Variants in KCNQ5 observed in about 807,000 individuals in gnomAD.
KCNQ5 encodes the protein potassium voltage-gated channel subfamily KQT member 5.
KCNQ5 carries 30 observed loss-of-function variants against 98.2 expected under a neutral mutation model. That is an observed-to-expected ratio of 0.31 (90% confidence interval 0.23 to 0.41). The LOEUF is 0.41. KCNQ5 is among the 10% of genes least tolerant of loss of function. The pLI, the probability that KCNQ5 is intolerant of heterozygous loss-of-function variation, is 1.00. For synonymous variants in KCNQ5, 458 were observed against 449.4 expected, an observed-to-expected ratio of 1.02 and a Z score of -0.24; for missense variants, 835 against 1,182.5, an observed-to-expected ratio of 0.71 and a Z score of 4.31.
intron 1 of KCNQ5, among the ~76,000 whole-genome samples, chr6:72,774,628 C>A (rs564953723): frequency 6.6e-6 from 1 of 152,024 alleles, no homozygotes; most frequent in East Asian, 1.9e-4. Context: ...CACACACACA[C>A]ACCCTACAGA....
intron 3 of KCNQ5, among the ~76,000 whole-genome samples, chr6:73,049,520 G>A (rs1240085836): frequency 3.9e-5 from 6 of 152,092 alleles, no homozygotes; most frequent in African/African-American, 1.4e-4. Flanking sequence ...CCTCCCAATA[G>A]CTCATTGCTC....
At position 72,669,856 on chromosome 6, in the gene KCNQ5, C is replaced by T. The variant is rs182666271; in HGVS notation, c.398+47269C>T. ...TGCTCTCTATCAAGCAGTTGTTCAG[C>T]CATACCCTTAATGCTTAGTTGCTTA... On this transcript the variant is annotated intron_variant, in intron 1 of 13. Coordinates refer to ENST00000370398, the MANE Select transcript of KCNQ5 (RefSeq NM_019842.4). Among the ~76,000 whole-genome samples the T allele has an allele frequency of 1.2e-3, 181 of 151,902 alleles. 1 individual carries two copies. Among genetic ancestry groups the T allele is most frequent in the African/African-American group, 4.3e-3 (176 of 41,398 alleles).
chr6:72,735,597 T>C (rs985295003), intron 1 of KCNQ5, among the ~76,000 whole-genome samples: 1 of 152,100 alleles, frequency 6.6e-6, no homozygotes, highest in Non-Finnish European at 1.5e-5. Flanking sequence ...TTAGAACTAT[T>C]TTTCATTTTT....
intron 1 of KCNQ5, among the ~76,000 whole-genome samples, chr6:72,636,074 T>A (rs1449099262): frequency 6.6e-6 from 1 of 152,140 alleles, no homozygotes; most frequent in African/African-American, 2.4e-5. Context: ...ATTTTAAAAG[T>A]TTTTACCTTC....
Position 72,649,131 on chromosome 6 carries a change from C to T in KCNQ5, c.398+26544C>T, listed in dbSNP as rs372030448. 2.6e-4 allele frequency among the ~76,000 whole-genome samples: 40 copies of T among 152,232 alleles called. No homozygotes were observed. The South Asian group carries it at 5.6e-3, about 21-fold the overall frequency. ...TCCTGCTCGCAGATGTGCAACTGTG[C>T]ATCTATGGACAGCAGTAGAGGGCTT... On this transcript the variant is annotated intron_variant, in intron 1 of 13. Transcript: ENST00000370398.
intron 1 of KCNQ5, among the ~76,000 whole-genome samples, chr6:72,961,519 G>A (rs1767349792): frequency 2.0e-5 from 3 of 151,872 alleles, no homozygotes; most frequent in Admixed American, 2.0e-4. Context: ...CTACTCTGGA[G>A]GCTGAGGCAG....
chr6:72,748,230 A>G (rs1432338380), intron 1 of KCNQ5, among the ~76,000 whole-genome samples: 1 of 152,062 alleles, frequency 6.6e-6, no homozygotes, highest in African/African-American at 2.4e-5. Context: ...TTAAATGCAA[A>G]TACAAAAACT....
intron 1 of KCNQ5, among the ~76,000 whole-genome samples, chr6:72,638,313 A>G (rs2098925347): frequency 6.6e-6 from 1 of 152,048 alleles, no homozygotes; most frequent in Non-Finnish European, 1.5e-5. Context: ...CAGATCTTTT[A>G]CATCTAGTAT....
At chr6:72,640,579 C>A (rs17692606) in intron 1 of KCNQ5, among the ~76,000 whole-genome samples, 5,858 of 152,178 alleles carry the variant, frequency 0.038, 126 homozygotes, top group Middle Eastern at 0.12. Context: ...GATTTTTCTT[C>A]AGAAATCAAG....
intron 1 of KCNQ5, among the ~76,000 whole-genome samples, chr6:72,879,822 T>C (rs1196969231): frequency 1.3e-5 from 2 of 152,136 alleles, no homozygotes; most frequent in Non-Finnish European, 2.9e-5. Flanking sequence ...TGTTCCAATA[T>C]CATGTTTAGT....
chr6:72,891,420 T>A (rs1779053515), intron 1 of KCNQ5, among the ~76,000 whole-genome samples: 1 of 152,182 alleles, frequency 6.6e-6, no homozygotes, highest in African/African-American at 2.4e-5. Flanking sequence ...AATGAAGATA[T>A]GTGGATAAAG....
At chr6:72,966,877 A>T (rs1301997281) in intron 1 of KCNQ5, among the ~76,000 whole-genome samples, 1 of 152,220 alleles carries the variant, frequency 6.6e-6, no homozygotes, top group East Asian at 1.9e-4. Context: ...GCTGATTTCA[A>T]TAAAAGTTAC....
Position 72,717,363 on chromosome 6 carries a change from CTGATT to C in KCNQ5, c.398+94782_398+94786del, listed in dbSNP as rs200571850. ...TAAGGTGATGGATATGCTAATTACTCTGATTTGATTATTATACAACATATACTTGT... is the reference window on the plus strand; with the variant it reads ...TAAGGTGATGGATATGCTAATTACTCTGATTATTATACAACATATACTTGT... On this transcript the variant is annotated intron_variant, in intron 1 of 13. Transcript: ENST00000370398. 3.2e-3 allele frequency among the ~76,000 whole-genome samples: 487 copies of C among 152,284 alleles called. 3 individuals carry two copies. Among genetic ancestry groups the C allele is most frequent in the African/African-American group, 0.011 (471 of 41,574 alleles).
chr6:72,918,092 T>G (rs1780239114), intron 1 of KCNQ5, among the ~76,000 whole-genome samples: 1 of 152,114 alleles, frequency 6.6e-6, no homozygotes, highest in South Asian at 2.1e-4. Flanking sequence ...GGGAACAGAC[T>G]GTATGCAGCT....
intron 1 of KCNQ5, among the ~76,000 whole-genome samples, chr6:72,914,983 C>T (rs1461682692): frequency 6.6e-6 from 1 of 151,960 alleles, no homozygotes; most frequent in African/African-American, 2.4e-5. Context: ...GAGAAGGTTG[C>T]CTTTTCTATG....
chr6:72,931,281 A>T (rs1167765777), intron 1 of KCNQ5, among the ~76,000 whole-genome samples: 1 of 152,172 alleles, frequency 6.6e-6, no homozygotes. Flanking sequence ...AATCTGTAGC[A>T]TGTTGGCCAA....
At chr6:72,738,303 C>T (rs1218538254) in intron 1 of KCNQ5, among the ~76,000 whole-genome samples, 2 of 152,068 alleles carry the variant, frequency 1.3e-5, no homozygotes, top group African/African-American at 4.8e-5. Flanking sequence ...GCCCTTGTGA[C>T]CTCATTCACC....
chr6:73,025,664 A>G (rs1770848410), intron 2 of KCNQ5, among the ~76,000 whole-genome samples: 1 of 149,182 alleles, frequency 6.7e-6, no homozygotes, highest in Non-Finnish European at 1.5e-5. Context: ...AAAAAATTCA[A>G]GTGTTCCGAA....
chr6:72,992,645 T>C lies in KCNQ5; in HGVS notation c.399-11263T>C, dbSNP rs1288813145. ...CAGTCTGTGTCTTTTAATTGCAGAA[T>C]TTAGTCCATTTATATTTAAAGTTAA... is the stretch of plus-strand genomic sequence containing the variant. On this transcript the variant is annotated intron_variant, in intron 1 of 13. Transcript: ENST00000370398. 2.6e-3 allele frequency among the ~76,000 whole-genome samples: 30 copies of C among 11,666 alleles called. 1 individual carries two copies. In the Admixed American group the frequency reaches 0.03, roughly 12 times the overall value. 7.7% of individuals were successfully genotyped at this position (11,666 alleles called of 152,430 possible).
Sources: allele counts gnomAD v4.1 joint callset (sites outside exome capture counted in the v4.1 genomes callset), GRCh38; gene constraint gnomAD v4.1.1; transcripts MANE v1.5; gene names NCBI Gene and HGNC (gene_info 2026-07-23, HGNC 2026-07-21).